BCAS3: variants seen among roughly 807,000 people sequenced by gnomAD.
BCAS3 encodes the protein BCAS4/BCAS3 fusion.
In BCAS3, 53 loss-of-function variants were observed where a neutral mutation model predicts 116.1. The observed-to-expected ratio is 0.46, with a 90% CI of 0.37 to 0.57. The LOEUF is 0.57. BCAS3 is among the 20% of genes least tolerant of loss of function. The pLI, the probability that BCAS3 is intolerant of heterozygous loss-of-function variation, is 0.00. For synonymous variants in BCAS3, 391 were observed against 408.2 expected (o/e 0.96, Z 0.51); for missense variants, 917 against 1,165.4 (o/e 0.79, Z 3.10).
At chr17:60,782,878 G>T (rs547724264) in intron 6 of BCAS3, among the ~76,000 whole-genome samples, 28 of 152,050 alleles carry the variant, frequency 1.8e-4, no homozygotes, top group Middle Eastern at 3.4e-3. Context: ...ATGAGCCACC[G>T]CACCCAGCCA....
At position 61,073,969 on chromosome 17, in the gene BCAS3, A is replaced by G. The variant is rs2071686918; in HGVS notation, c.2030-951A>G. ...ACAAGGAAGAAAATATTGGGCAGGC[A>G]TTGGTAGCTCATGCCTGTAGTCTCA... On this transcript the variant is annotated intron_variant, in intron 19 of 23. Coordinates refer to ENST00000407086, the MANE Select transcript of BCAS3 (RefSeq NM_017679.5). The surrounding 1 kb of genome is among the most constrained non-coding windows in gnomAD (Gnocchi z 4.6). 6.6e-6 allele frequency among the ~76,000 whole-genome samples: 1 copy of G among 152,022 alleles called. No homozygotes were observed. The highest frequency in any genetic ancestry group is 1.5e-5 in the Non-Finnish European group (1 of 67,996).
At chr17:61,317,017 A>G (rs1397551134) in intron 22 of BCAS3, among the ~76,000 whole-genome samples, 1 of 152,206 alleles carries the variant, frequency 6.6e-6, no homozygotes, top group East Asian at 1.9e-4. Flanking sequence ...GGAGGCTTCA[A>G]CAGTTCTGAG....
intron 22 of BCAS3, among the ~76,000 whole-genome samples, chr17:61,345,558 C>G (rs764165282): frequency 6.6e-6 from 1 of 152,032 alleles, no homozygotes; most frequent in Non-Finnish European, 1.5e-5. Context: ...GAGCAGGGAG[C>G]GCCTAGCTGT....
At chr17:60,806,110 A>C (rs1053558233) in intron 6 of BCAS3, among the ~76,000 whole-genome samples, 3 of 151,842 alleles carry the variant, frequency 2.0e-5, no homozygotes, top group Non-Finnish European at 4.4e-5. Flanking sequence ...TCCTGACCTC[A>C]GGTGATCCAC....
At chr17:61,329,485 C>T (rs866655855) in intron 22 of BCAS3, among the ~76,000 whole-genome samples, 31 of 151,382 alleles carry the variant, frequency 2.0e-4, no homozygotes, top group South Asian at 2.1e-4. Context: ...GGACTACAGG[C>T]GCCCGCCACC....
chr17:61,152,923 T>C (rs2077620423), intron 22 of BCAS3, among the ~76,000 whole-genome samples: 1 of 152,234 alleles, frequency 6.6e-6, no homozygotes, highest in South Asian at 2.1e-4. Flanking sequence ...TTGTACTGCC[T>C]GAACTGGGAT....
intron 8 of BCAS3, among the ~76,000 whole-genome samples, chr17:60,873,909 G>T (rs572058762): frequency 6.6e-6 from 1 of 151,600 alleles, no homozygotes; most frequent in East Asian, 1.9e-4. Context: ...TCACTATGTT[G>T]CCTAGGCTGG....
intron 22 of BCAS3, among the ~76,000 whole-genome samples, chr17:61,146,565 G>T (rs994571889): frequency 6.6e-6 from 1 of 152,062 alleles, no homozygotes; most frequent in Non-Finnish European, 1.5e-5. Flanking sequence ...TAATCAAATT[G>T]GTAGTTTTCA....
intron 7 of BCAS3, among the ~76,000 whole-genome samples, chr17:60,843,404 A>C (rs1160959327): frequency 6.6e-6 from 1 of 151,944 alleles, no homozygotes; most frequent in East Asian, 1.9e-4. Flanking sequence ...TTTTTAGTAG[A>C]GACAAGGTTT....
chr17:60,855,882 A>G (rs1037252335), intron 7 of BCAS3, among the ~76,000 whole-genome samples: 1 of 152,054 alleles, frequency 6.6e-6, no homozygotes, highest in Non-Finnish European at 1.5e-5. Flanking sequence ...GGGTTTCACC[A>G]TGTTGTCAAG....
At chr17:61,153,966 T>G (rs1356922368) in intron 22 of BCAS3, among the ~76,000 whole-genome samples, 2 of 152,212 alleles carry the variant, frequency 1.3e-5, no homozygotes, top group Admixed American at 1.3e-4. Flanking sequence ...TCTCATTGTT[T>G]TGGTATCCTT....
chr17:61,278,681 T>C lies in BCAS3; in HGVS notation c.2426-89646T>C, dbSNP rs1421600341. On this transcript the variant is annotated intron_variant, in intron 22 of 23. Coordinates refer to ENST00000407086, the MANE Select transcript of BCAS3 (RefSeq NM_017679.5). The surrounding 1 kb of genome is among the most constrained non-coding windows in gnomAD (Gnocchi z 5.8). ...TAAAAAGGAATGAAATTTTCATACA[T>C]ACTGCAGCAAAGATCAGCCTTGAAA... 6.6e-6 allele frequency among the ~76,000 whole-genome samples: 1 copy of C among 152,194 alleles called. No homozygotes were observed. The highest frequency in any genetic ancestry group is 1.5e-5 in the Non-Finnish European group (1 of 68,032).
At position 61,020,244 on chromosome 17, in the gene BCAS3, C is replaced by T. The variant is rs2065778484; in HGVS notation, c.1637+4343C>T. Among the ~76,000 whole-genome samples, 1 of 152,230 alleles carries T rather than the reference C, an allele frequency of 6.6e-6. No homozygotes were observed. Among genetic ancestry groups the T allele is most frequent in the African/African-American group, 2.4e-5 (1 of 41,470 alleles). ...GTTTACCATATTCAACATCTGCCTT[C>T]TTATGTTTGCAAATACATATGCCTG... On this transcript the variant is annotated intron_variant, in intron 16 of 23. Coordinates refer to ENST00000407086, the MANE Select transcript of BCAS3 (RefSeq NM_017679.5). The surrounding 1 kb of genome is among the most constrained non-coding windows in gnomAD (Gnocchi z 4.5).
chr17:60,866,041 G>A (rs2087243032), intron 7 of BCAS3, among the ~76,000 whole-genome samples: 1 of 151,884 alleles, frequency 6.6e-6, no homozygotes, highest in African/African-American at 2.4e-5. Context: ...TGAATATGGT[G>A]AATTACATTA....
In BCAS3 at chr17:61,286,043, C is replaced by T. The variant is rs1271315706; in HGVS notation, c.2426-82284C>T. Among the ~76,000 whole-genome samples the T allele has an allele frequency of 2.0e-5, 3 of 152,190 alleles. No homozygotes were observed. Among genetic ancestry groups the T allele is most frequent in the African/African-American group, 7.2e-5 (3 of 41,446 alleles). On this transcript the variant is annotated intron_variant, in intron 22 of 23. Transcript: ENST00000407086. This position sits in a 1 kb window ranked among gnomAD's most constrained non-coding sequence, Gnocchi z 4.8. ...TCATGACACCTTTTTACTCATGGAC[C>T]AGAAACATTTCATAAAGGAAACAAC...
rs1041709055 is a variant in BCAS3 at position 61,325,469 on chromosome 17, C to A, written c.2426-42858C>A. Among the ~76,000 whole-genome samples the A allele has an allele frequency of 6.6e-6, 1 of 152,148 alleles. No homozygotes were observed. The highest frequency in any genetic ancestry group is 1.5e-5 in the Non-Finnish European group (1 of 68,016). ...GGTGGTGAGCCTTTCCTGGGAAGACCTGCACTGGCTCTCCCTGAGGGCTTT... is the reference window on the plus strand; with the variant it reads ...GGTGGTGAGCCTTTCCTGGGAAGACATGCACTGGCTCTCCCTGAGGGCTTT... On this transcript the variant is annotated intron_variant, in intron 22 of 23. Coordinates refer to ENST00000407086, the MANE Select transcript of BCAS3 (RefSeq NM_017679.5). This position sits in a 1 kb window ranked among gnomAD's most constrained non-coding sequence, Gnocchi z 6.4.
At position 61,141,912 on chromosome 17, in the gene BCAS3, AAAAAAAAAGTT is replaced by A. The variant is rs1219868433; in HGVS notation, c.2425+57350_2425+57360del. Among the ~76,000 whole-genome samples the A allele has an allele frequency of 6.1e-5, 2 of 32,876 alleles. No individual in the cohort carries two copies. Among genetic ancestry groups the A allele is most frequent in the Non-Finnish European group, 4.3e-3 (2 of 464 alleles). 21.6% of individuals were successfully genotyped at this position (32,876 alleles called of 152,430 possible). On this transcript the variant is annotated intron_variant, in intron 22 of 23. Coordinates refer to ENST00000407086, the MANE Select transcript of BCAS3 (RefSeq NM_017679.5). The surrounding 1 kb of genome is among the most constrained non-coding windows in gnomAD (Gnocchi z 4.3). Reference sequence around the variant, plus strand: ...GAGACCCCACCTCAAGAAAAAAAAAAAAAAAAAAGTTAGACAATTATACAGAGATACTCAAG... The same window carrying A: ...GAGACCCCACCTCAAGAAAAAAAAAAAGACAATTATACAGAGATACTCAAG...
intron 7 of BCAS3, among the ~76,000 whole-genome samples, chr17:60,845,378 ATTG>A (rs1202462086): frequency 6.6e-6 from 1 of 152,208 alleles, no homozygotes; most frequent in Non-Finnish European, 1.5e-5. Context: ...ATTAGAGAGA[ATTG>A]TTTAGGGAGA....
chr17:60,955,451 A>C (rs2061079381), intron 14 of BCAS3, among the ~76,000 whole-genome samples: 1 of 140,670 alleles, frequency 7.1e-6, no homozygotes, highest in Non-Finnish European at 1.5e-5. Context: ...CAGTGGCGCT[A>C]TCTCAGCTCA....
Sources: allele counts gnomAD v4.1 joint callset (sites outside exome capture counted in the v4.1 genomes callset), GRCh38; gene constraint gnomAD v4.1.1; non-coding constraint Gnocchi (gnomAD v3.1); transcripts MANE v1.5; gene names NCBI Gene and HGNC (gene_info 2026-07-23, HGNC 2026-07-21).